CLPB: variants seen among roughly 807,000 people sequenced by gnomAD.
The protein encoded by CLPB is ClpB family mitochondrial disaggregase.
In CLPB, 40 loss-of-function variants were observed where a neutral mutation model predicts 78.4. The ratio of observed to expected loss-of-function variants is 0.51; its 90% CI spans 0.40 to 0.66. The LOEUF (loss-of-function observed/expected upper bound fraction) is 0.66. CLPB is among the 30% of genes least tolerant of loss of function. The probability of loss-of-function intolerance (pLI) is 0.00; values close to 1 mark genes in which losing one functional copy is unlikely to be tolerated. For missense variants in CLPB, 780 were observed against 886.9 expected (o/e 0.88, Z 1.53); for synonymous variants, 333 against 348.0 (o/e 0.96, Z 0.48).
chr11:72,419,301 G>A (rs1055323258), intron 2 of CLPB, among the ~76,000 whole-genome samples: 1 of 152,206 alleles, frequency 6.6e-6, no homozygotes, highest in Non-Finnish European at 1.5e-5. Context: ...ATGGTAGGGA[G>A]GCAGAGCCTG....
intron 1 of CLPB, among the ~76,000 whole-genome samples, chr11:72,431,723 T>C (rs139184511): frequency 6.6e-6 from 1 of 152,252 alleles, no homozygotes; most frequent in African/African-American, 2.4e-5. Flanking sequence ...GAAAAAAATG[T>C]GGCTTCTACA....
At chr11:72,299,826 A>G (rs924487790) in intron 11 of CLPB, among the ~76,000 whole-genome samples, 1 of 152,184 alleles carries the variant, frequency 6.6e-6, no homozygotes, top group Non-Finnish European at 1.5e-5. Flanking sequence ...AGGGGCGACA[A>G]CAGCTGCAGG....
Position 72,293,238 on chromosome 11 carries a change from G to T in CLPB, c.*129C>A. ...CTGAGAAGGGGTCTTCATGGGCTGTGAGGAGGTAAGCAGGCCTGAGACTGG... is the reference window on the plus strand; with the variant it reads ...CTGAGAAGGGGTCTTCATGGGCTGTTAGGAGGTAAGCAGGCCTGAGACTGG... On this transcript the variant is annotated 3_prime_UTR_variant, in exon 16 of 16. Coordinates refer to ENST00000538039, the MANE Select transcript of CLPB (RefSeq NM_001258392.3). 8.4e-7 allele frequency: 1 copy of T among 1,184,824 alleles called. No homozygotes were observed. 73.4% of individuals were successfully genotyped at this position (1,184,824 alleles called of 1,614,324 possible). A position where few individuals can be genotyped will look rare whatever the true frequency, so the allele number is the denominator to read the frequency against.
At chr11:72,407,101 C>T (rs1855732877) in intron 2 of CLPB, among the ~76,000 whole-genome samples, 1 of 152,224 alleles carries the variant, frequency 6.6e-6, no homozygotes, top group South Asian at 2.1e-4. Context: ...ATCTCCCAGC[C>T]ACCAAAAACA....
chr11:72,422,207 A>G (rs1004538962), intron 2 of CLPB, among the ~76,000 whole-genome samples: 2 of 139,714 alleles, frequency 1.4e-5, no homozygotes, highest in Admixed American at 1.5e-4. Context: ...CGGAGCTTGC[A>G]GTGAGTCGAG....
At chr11:72,369,935 T>C (rs76970802) in intron 4 of CLPB, among the ~76,000 whole-genome samples, 6 of 151,930 alleles carry the variant, frequency 3.9e-5, no homozygotes, top group Non-Finnish European at 7.4e-5. Context: ...TGGGTTTTTT[T>C]CCCCCATGGT....
chr11:72,332,016 C>G lies in CLPB; in HGVS notation c.776-2212G>C, dbSNP rs1041433739. ...ATGTGGGAGGTGGAGGGGGAAGGGG[C>G]AGGCCATAGGAAATACAATCCAGGT... is the stretch of plus-strand genomic sequence containing the variant. On this transcript the variant is annotated intron_variant, in intron 5 of 15. Transcript: ENST00000538039. Among the ~76,000 whole-genome samples the G allele has an allele frequency of 3.3e-5, 5 of 152,186 alleles. No individual in the cohort carries two copies. In the East Asian group the frequency reaches 9.6e-4, roughly 29 times the overall value.
chr11:72,423,078 C>T (rs1856258656), intron 2 of CLPB, among the ~76,000 whole-genome samples: 1 of 152,126 alleles, frequency 6.6e-6, no homozygotes, highest in South Asian at 2.1e-4. Context: ...CCAGTTTGGG[C>T]TAGTATGAAG....
intron 4 of CLPB, among the ~76,000 whole-genome samples, chr11:72,374,245 T>C (rs1448876530): frequency 6.6e-6 from 1 of 152,214 alleles, no homozygotes; most frequent in Non-Finnish European, 1.5e-5. Context: ...GTGCTTTAAA[T>C]ATATATGATT....
intron 9 of CLPB, among the ~76,000 whole-genome samples, chr11:72,306,774 C>T (rs555803607): frequency 3.9e-5 from 6 of 152,360 alleles, no homozygotes; most frequent in Middle Eastern, 6.8e-3. Context: ...ACAGCCATGA[C>T]TGCACTGAAC....
intron 7 of CLPB, among the ~76,000 whole-genome samples, chr11:72,309,316 T>G (rs947411653): frequency 2.0e-5 from 3 of 152,124 alleles, no homozygotes; most frequent in Non-Finnish European, 4.4e-5. Flanking sequence ...CCTGACCTCC[T>G]CTTCAAGAGG....
intron 5 of CLPB, among the ~76,000 whole-genome samples, chr11:72,344,288 AACCTCC>A (rs1950472920): frequency 6.6e-6 from 1 of 152,060 alleles, no homozygotes; most frequent in African/African-American, 2.4e-5. Context: ...AGCTTATTGC[AACCTCC>A]ACCTCCCGGA....
chr11:72,413,834 T>C (rs1855947674), intron 2 of CLPB, among the ~76,000 whole-genome samples: 2 of 152,210 alleles, frequency 1.3e-5, no homozygotes, highest in Admixed American at 1.3e-4. Flanking sequence ...TATGCATCCA[T>C]TCGTTCCATA....
intron 11 of CLPB, 27 bp downstream of exon 11, chr11:72,301,776 G>T (rs766930833): frequency 6.2e-7 from 1 of 1,607,400 alleles, no homozygotes; most frequent in South Asian, 1.1e-5. Context: ...GTGTCCCCCC[G>T]CTCCATCCTG....
chr11:72,294,791 T>C (rs1206066022), intron 12 of CLPB, 98 bp from the exon 13 acceptor site: 4 of 976,062 alleles, frequency 4.1e-6, no homozygotes, highest in Non-Finnish European at 6.6e-6. Context: ...GCCCTGGTCC[T>C]GTCCATCTGT....
At chr11:72,424,711 C>A (rs930612193) in intron 2 of CLPB, among the ~76,000 whole-genome samples, 9 of 152,126 alleles carry the variant, frequency 5.9e-5, no homozygotes, top group Non-Finnish European at 1.3e-4. Flanking sequence ...ATGGTGAAAC[C>A]CTGTCTCTTT....
intron 2 of CLPB, among the ~76,000 whole-genome samples, chr11:72,423,935 TC>T (rs1856284196): frequency 6.6e-6 from 1 of 152,234 alleles, no homozygotes; most frequent in African/African-American, 2.4e-5. Flanking sequence ...TGAACTGTCT[TC>T]CGCCTTTCTC....
intron 5 of CLPB, among the ~76,000 whole-genome samples, chr11:72,350,509 TA>T (rs1950595651): frequency 6.6e-6 from 1 of 152,256 alleles, no homozygotes; most frequent in Non-Finnish European, 1.5e-5. Context: ...AATTAGCTGG[TA>T]ATTTTGTAAT....
At chr11:72,318,119 T>C (rs955196727) in intron 6 of CLPB, among the ~76,000 whole-genome samples, 1 of 152,264 alleles carries the variant, frequency 6.6e-6, no homozygotes, top group African/African-American at 2.4e-5. Flanking sequence ...GTCTGTCCTC[T>C]AAATCAATTA....
Sources: allele counts gnomAD v4.1 joint callset (sites outside exome capture counted in the v4.1 genomes callset), GRCh38; gene constraint gnomAD v4.1.1; transcripts MANE v1.5; gene names NCBI Gene and HGNC (gene_info 2026-07-23, HGNC 2026-07-21).